P2RX5: variants seen among roughly 807,000 people sequenced by gnomAD.
P2RX5 encodes the protein purinergic receptor P2X 5.
In P2RX5, 46 loss-of-function variants were observed where a neutral mutation model predicts 54.1. The ratio of observed to expected loss-of-function variants is 0.85; its 90% CI spans 0.67 to 1.09. P2RX5 has a LOEUF of 1.09. Ranked by LOEUF, P2RX5 falls within the 50% of genes least tolerant of loss-of-function variation. P2RX5 has a pLI of 0.00. For synonymous variants in P2RX5, 226 were observed against 226.4 expected (o/e 1.00, Z 0.02); for missense variants, 566 against 549.8 (o/e 1.03, Z -0.29).
chr17:3,723,296 A>T, the P2RX5 span: 1 of 1,609,750 alleles, frequency 6.2e-7, no homozygotes. Context: ...ACCTCCTCAG[A>T]GTGATCCCAG....
chr17:3,696,043 A>G lies in P2RX5; in HGVS notation c.-38T>C. The G allele has an allele frequency of 6.2e-7, 1 of 1,610,048 alleles. No individual in the cohort carries two copies. The highest frequency in any genetic ancestry group is 8.5e-7 in the Non-Finnish European group (1 of 1,177,962). Reference sequence around the variant, plus strand: ...GCCGGGCTTGCGGACCGCCCGGCCCACGTGCGCTCATGGGGAGCACTCGGT... The same window carrying G: ...GCCGGGCTTGCGGACCGCCCGGCCCGCGTGCGCTCATGGGGAGCACTCGGT... On this transcript the variant is annotated 5_prime_UTR_variant, in exon 1 of 12. Transcript: ENST00000225328.
chr17:3,674,180 G>A (rs1398942102), intron 11 of P2RX5, among the ~76,000 whole-genome samples: 1 of 152,122 alleles, frequency 6.6e-6, no homozygotes, highest in East Asian at 1.9e-4. Context: ...CGGGCGAGGC[G>A]AGCGCCTGTA....
chr17:3,699,695 C>T (rs1049285624), upstream of P2RX5, among the ~76,000 whole-genome samples: 1 of 150,808 alleles, frequency 6.6e-6, no homozygotes, highest in Admixed American at 6.7e-5. Flanking sequence ...GTCCCAGCTA[C>T]TCAGGAGGCT....
At position 3,689,360 on chromosome 17, in the gene P2RX5, A is replaced by T. The variant is rs1486437500; in HGVS notation, c.753+132T>A. 7.4e-6 allele frequency: 5 copies of T among 677,486 alleles called. No homozygotes were observed. The Middle Eastern group carries it at 1.2e-3, about 161-fold the overall frequency. The allele number at this position is 677,486 out of a possible 1,614,324, so 42.0% of individuals were successfully genotyped here. A position where few individuals can be genotyped will look rare whatever the true frequency, so the allele number is the denominator to read the frequency against. ...GCCACAGCCAGTTCTGAAAACACTG[A>T]GTCCCTGGGGGCAGGTGACTTTGCA... On this transcript the variant is annotated intron_variant, in intron 7 of 11. Transcript: ENST00000225328.
At chr17:3,683,278 G>A (rs1203547165) in intron 9 of P2RX5, among the ~76,000 whole-genome samples, 1 of 152,180 alleles carries the variant, frequency 6.6e-6, no homozygotes, top group Admixed American at 6.5e-5. Flanking sequence ...CCTGGGTGCT[G>A]CACATCCATC....
In P2RX5 at chr17:3,690,167, A is replaced by G. The variant is rs567572656; in HGVS notation, c.534-17T>C. 3 of 1,612,146 alleles carry G rather than the reference A, an allele frequency of 1.9e-6. No individual in the cohort carries two copies. The highest frequency in any genetic ancestry group is 2.2e-5 in the East Asian group (1 of 44,872). On this transcript the variant is annotated splice_polypyrimidine_tract_variant and intron_variant, in intron 5 of 11. Transcript: ENST00000225328. ...AATGGCTCCCTGAAAACCAACCCAG[A>G]ACAGCCTGTCCAGGAGGCCCCACCC...
intron 11 of P2RX5, chr17:3,675,484 A>G (rs944179986): frequency 1.0e-6 from 1 of 985,278 alleles, no homozygotes; most frequent in Non-Finnish European, 1.2e-6. Context: ...AAAAGTCACC[A>G]AGTTATAAAA....
chr17:3,697,364 A>G (rs1342021906), upstream of P2RX5, among the ~76,000 whole-genome samples: 1 of 152,080 alleles, frequency 6.6e-6, no homozygotes, highest in Non-Finnish European at 1.5e-5. Flanking sequence ...GCAGGTTTAG[A>G]ACTCCTGACA....
chr17:3,720,265 C>T, the P2RX5 span: 2 of 953,908 alleles, frequency 2.1e-6, no homozygotes, highest in Non-Finnish European at 3.4e-6. Context: ...AGGTTAGGCA[C>T]AATTTTCCTT....
intron 10 of P2RX5, among the ~76,000 whole-genome samples, chr17:3,680,536 A>T (rs222769): frequency 0.15 from 6,253 of 42,860 alleles, 381 homozygotes; most frequent in East Asian, 0.25. Context: ...TCCTCCACCC[A>T]GCGTCCTCCA....
chr17:3,696,043 A>T lies in P2RX5; in HGVS notation c.-38T>A. 1 of 1,610,048 alleles carries T rather than the reference A, an allele frequency of 6.2e-7. No individual in the cohort carries two copies. The highest frequency in any genetic ancestry group is 8.5e-7 in the Non-Finnish European group (1 of 1,177,962). ...GCCGGGCTTGCGGACCGCCCGGCCC[A>T]CGTGCGCTCATGGGGAGCACTCGGT... On this transcript the variant is annotated 5_prime_UTR_variant, in exon 1 of 12. Coordinates refer to ENST00000225328, the MANE Select transcript of P2RX5 (RefSeq NM_002561.4).
At chr17:3,708,540 A>G in the P2RX5 span, among the ~76,000 whole-genome samples, 1 of 152,198 alleles carries the variant, frequency 6.6e-6, no homozygotes, top group Admixed American at 6.5e-5. Flanking sequence ...CTATAATTAT[A>G]TACCCATTAA....
rs2050754847 is a variant in P2RX5 at position 3,696,141 on chromosome 17, G to A, written c.-136C>T. ...GCTCAGCTGCAGCCCGGGGTGTCCGGCAGGGCTGCGGGGCGCGGGGGCGGG... is the reference window on the plus strand; with the variant it reads ...GCTCAGCTGCAGCCCGGGGTGTCCGACAGGGCTGCGGGGCGCGGGGGCGGG... On this transcript the variant is annotated 5_prime_UTR_variant, in exon 1 of 12. Coordinates refer to ENST00000225328, the MANE Select transcript of P2RX5 (RefSeq NM_002561.4). The A allele has an allele frequency of 1.9e-5, 17 of 894,066 alleles. No homozygotes were observed. Among genetic ancestry groups the A allele is most frequent in the Non-Finnish European group, 2.5e-5 (17 of 667,270 alleles). The allele number at this position is 894,066 out of a possible 1,614,324, so 55.4% of individuals were successfully genotyped here. A position where few individuals can be genotyped will look rare whatever the true frequency, so the allele number is the denominator to read the frequency against.
At chr17:3,682,032 A>G (rs2142997554) in intron 9 of P2RX5, 54 bp from the exon 10 acceptor site, 1 of 1,263,324 alleles carries the variant, frequency 7.9e-7, no homozygotes, top group South Asian at 1.2e-5. Context: ...AGCACTGTTC[A>G]TTTAGGGCAC....
At chr17:3,678,770 C>T (rs1268153192) in intron 11 of P2RX5, among the ~76,000 whole-genome samples, 1 of 152,220 alleles carries the variant, frequency 6.6e-6, no homozygotes, top group Non-Finnish European at 1.5e-5. Flanking sequence ...CACAGAACCC[C>T]AGTCTGACAG....
rs1403497171 is a variant in P2RX5 at position 3,690,281 on chromosome 17, C to G, written c.534-131G>C. On this transcript the variant is annotated intron_variant, in intron 5 of 11. Transcript: ENST00000225328. ...GCCCAGGACAGTTAATTTGCTCATGCTGGGGAGGCCGTCGGGCCTCGCTGG... is the reference window on the plus strand; with the variant it reads ...GCCCAGGACAGTTAATTTGCTCATGGTGGGGAGGCCGTCGGGCCTCGCTGG... The G allele has an allele frequency of 6.9e-6, 8 of 1,157,562 alleles. No homozygotes were observed. In the Admixed American group the frequency reaches 1.0e-4, roughly 15 times the overall value. The allele number at this position is 1,157,562 out of a possible 1,614,324, so 71.7% of individuals were successfully genotyped here. A position where few individuals can be genotyped will look rare whatever the true frequency, so the allele number is the denominator to read the frequency against.
chr17:3,715,595 G>GT, the P2RX5 span, among the ~76,000 whole-genome samples: 1 of 152,198 alleles, frequency 6.6e-6, no homozygotes, highest in Non-Finnish European at 1.5e-5. Flanking sequence ...GCTTATGCCT[G>GT]TAACCCCACC....
chr17:3,713,162 G>A, the P2RX5 span, among the ~76,000 whole-genome samples: 1 of 152,068 alleles, frequency 6.6e-6, no homozygotes, highest in Admixed American at 6.5e-5. Flanking sequence ...TTTGAAATCA[G>A]CTTGGTCAAC....
the P2RX5 span, chr17:3,720,458 CTG>C: frequency 6.0e-6 from 5 of 833,186 alleles, no homozygotes; most frequent in Non-Finnish European, 1.0e-5. Context: ...CATGAACTCA[CTG>C]TGTTTGAACA....
Sources: gnomAD v4.1 joint callset for allele counts (sites outside exome capture counted in the v4.1 genomes callset) on GRCh38, gnomAD v4.1.1 for gene constraint, MANE v1.5 for transcripts, NCBI Gene and HGNC (gene_info 2026-07-23, HGNC 2026-07-21) for gene names.